Variants in PAPPA observed in about 807,000 individuals in gnomAD.
PAPPA encodes the protein pappalysin 1, also known as pappalysin-1.
A neutral mutation model predicts 164.0 loss-of-function variants in PAPPA; 60 were observed. That is an observed-to-expected ratio of 0.37 (90% confidence interval 0.30 to 0.45). The LOEUF is 0.45. PAPPA is among the 20% of genes least tolerant of loss of function. PAPPA has a pLI of 1.00. For synonymous variants in PAPPA, 875 were observed against 814.1 expected (o/e 1.07, Z -1.27); for missense variants, 1,782 against 2,087.3 (o/e 0.85, Z 2.85).
Position 116,347,053 on chromosome 9 carries a change from A to T in PAPPA, c.3808A>T (p.Thr1270Ser). The change falls in exon 15 of 22, where the codon ACA (threonine) becomes TCA (serine). Residue 1270 changes from threonine to serine, a missense_variant. By Grantham distance (58) the Thr-to-Ser change is moderately conservative (BLOSUM62 1). Around this residue, in one of 2 missense-constraint regions of PAPPA, gnomAD observed 1,324 missense variants for 1,656.9 expected, o/e 0.80. Coordinates refer to ENST00000328252, the MANE Select transcript of PAPPA (RefSeq NM_002581.5). The surrounding 1 kb of genome is among the most constrained non-coding windows in gnomAD (Gnocchi z 4.5). ...QTGPSVTVTC[T>S]EGKWNKQVAC... ...GGGACCCAGCGTCACAGTGACCTGTACAGAGGGCAAGTGGAATAAGCAGGT... is the reference window on the plus strand; with the variant it reads ...GGGACCCAGCGTCACAGTGACCTGTTCAGAGGGCAAGTGGAATAAGCAGGT... 6.2e-7 allele frequency: 1 copy of T among 1,614,026 alleles called. No homozygotes were observed. The highest frequency in any genetic ancestry group is 1.3e-5 in the African/African-American group (1 of 75,046).
At chr9:116,222,880 G>C (rs1228428363) in intron 5 of PAPPA, among the ~76,000 whole-genome samples, 1 of 152,082 alleles carries the variant, frequency 6.6e-6, no homozygotes, top group Admixed American at 6.5e-5. Context: ...AGAGATGATG[G>C]ATTTGTTAAT....
chr9:116,278,797 C>T (rs973794165), intron 9 of PAPPA, among the ~76,000 whole-genome samples: 3 of 152,072 alleles, frequency 2.0e-5, no homozygotes, highest in Non-Finnish European at 4.4e-5. Context: ...CTCTGAGTCT[C>T]GGTTTCCTCT....
intron 1 of PAPPA, among the ~76,000 whole-genome samples, chr9:116,161,394 C>T (rs1056160992): frequency 3.9e-5 from 6 of 152,160 alleles, no homozygotes; most frequent in Admixed American, 2.0e-4. Context: ...GGTAAAATAG[C>T]GACTTTCAAA....
chr9:116,169,736 AT>A (rs200690647), intron 1 of PAPPA, among the ~76,000 whole-genome samples: 224 of 143,256 alleles, frequency 1.6e-3, no homozygotes, highest in African/African-American at 3.8e-3. Context: ...GGCACACTAG[AT>A]TTTTTTTTTT....
At chr9:116,279,591 CT>C (rs775933983) in intron 9 of PAPPA, among the ~76,000 whole-genome samples, 43 of 152,156 alleles carry the variant, frequency 2.8e-4, no homozygotes, top group Non-Finnish European at 5.9e-4. Context: ...CGACTTGGTG[CT>C]TGCTTGAATG....
At chr9:116,365,408 T>A (rs1362466515) in intron 18 of PAPPA, among the ~76,000 whole-genome samples, 1 of 151,982 alleles carries the variant, frequency 6.6e-6, no homozygotes, top group Non-Finnish European at 1.5e-5. Flanking sequence ...CAATAATGGC[T>A]CATATATCAC....
In PAPPA at chr9:116,396,535, T is replaced by G. The variant is rs8456; in HGVS notation, c.4803T>G (p.Asp1601Glu). The G allele has an allele frequency of 2.6e-6, 2 of 780,606 alleles. No homozygotes were observed. The highest frequency in any genetic ancestry group is 4.8e-6 in the Non-Finnish European group (2 of 417,968). 48.4% of individuals were successfully genotyped at this position (780,606 alleles called of 1,614,324 possible). Residue 1601 changes from aspartate (D) to glutamate (E), a missense_variant, in exon 22 of 22, where the codon GAT (aspartate) becomes GAG (glutamate). Asp to Glu is a conservative substitution (Grantham distance 45, BLOSUM62 2). Transcript: ENST00000328252. ...TCACCCCATTCCCTATGTCCTGTGA[T>G]CTACAAGGTGACTGTGCTTGTCGGG... ...KKVTPFPMSC[D>E]LQGDCACRDP... is the part of the protein sequence containing the mutation.
intron 18 of PAPPA, among the ~76,000 whole-genome samples, chr9:116,364,873 A>G (rs1238610523): frequency 6.6e-6 from 1 of 152,154 alleles, no homozygotes; most frequent in African/African-American, 2.4e-5. Flanking sequence ...CCTTTCCTGT[A>G]CCCCAAGTCC....
At chr9:116,249,498 G>T (rs935440785) in intron 7 of PAPPA, among the ~76,000 whole-genome samples, 1 of 152,186 alleles carries the variant, frequency 6.6e-6, no homozygotes, top group Non-Finnish European at 1.5e-5. Flanking sequence ...GGTAAGAGAA[G>T]ATCTTCATTA....
chr9:116,253,021 G>T lies in PAPPA; in HGVS notation c.2733-12836G>T, dbSNP rs16933349. Among the ~76,000 whole-genome samples the T allele has an allele frequency of 7.7e-3, 1,166 of 152,230 alleles. 19 individuals are homozygous for T. Among genetic ancestry groups the T allele is most frequent in the African/African-American group, 0.027 (1,116 of 41,548 alleles). Reference sequence around the variant, plus strand: ...CAGGCACAGAGATACAGCAAGGAAGGGCTAATATTCTCTGTCCTTGAAGCA... The same window carrying T: ...CAGGCACAGAGATACAGCAAGGAAGTGCTAATATTCTCTGTCCTTGAAGCA... On this transcript the variant is annotated intron_variant, in intron 7 of 21. Coordinates refer to ENST00000328252, the MANE Select transcript of PAPPA (RefSeq NM_002581.5).
Position 116,267,288 on chromosome 9 carries a change from A to G in PAPPA, c.2861+1303A>G, listed in dbSNP as rs368538641. ...ACCTCTGCTTTAGGATGAAAGGACC[A>G]GCTAGGAATACAGCAAGGATGATGC... On this transcript the variant is annotated intron_variant, in intron 8 of 21. Coordinates refer to ENST00000328252, the MANE Select transcript of PAPPA (RefSeq NM_002581.5). Among the ~76,000 whole-genome samples the G allele has an allele frequency of 2.4e-4, 37 of 152,380 alleles. 2 individuals carry two copies. The East Asian group carries it at 4.8e-3, about 20-fold the overall frequency.
chr9:116,281,228 T>G (rs1845262478), intron 9 of PAPPA, among the ~76,000 whole-genome samples: 1 of 152,126 alleles, frequency 6.6e-6, no homozygotes, highest in South Asian at 2.1e-4. Flanking sequence ...CAGAGACCAA[T>G]GCTTCGAAGA....
chr9:116,327,887 G>A (rs1845940870), intron 10 of PAPPA, among the ~76,000 whole-genome samples: 1 of 152,216 alleles, frequency 6.6e-6, no homozygotes, highest in Admixed American at 6.5e-5. Flanking sequence ...TTTGGGCAAA[G>A]TTTCAGCTGG....
intron 1 of PAPPA, among the ~76,000 whole-genome samples, chr9:116,168,939 T>G (rs1843744138): frequency 6.6e-6 from 1 of 152,216 alleles, no homozygotes; most frequent in African/African-American, 2.4e-5. Context: ...TTCCTTTTAC[T>G]TCGCACAATA....
intron 21 of PAPPA, among the ~76,000 whole-genome samples, chr9:116,392,101 T>TA (rs909057776): frequency 6.6e-6 from 1 of 152,312 alleles, no homozygotes; most frequent in Non-Finnish European, 1.5e-5. Context: ...ATGGGGATAG[T>TA]AAGAATAGTT....
intron 7 of PAPPA, among the ~76,000 whole-genome samples, chr9:116,244,820 A>G (rs974991648): frequency 1.3e-5 from 2 of 152,156 alleles, no homozygotes; most frequent in Non-Finnish European, 2.9e-5. Flanking sequence ...CTGGGTATCT[A>G]CCCAAAAGAA....
chr9:116,384,131 C>A (rs1042666513), intron 21 of PAPPA, among the ~76,000 whole-genome samples: 6 of 151,978 alleles, frequency 3.9e-5, no homozygotes, highest in Non-Finnish European at 5.9e-5. Context: ...ATCTTAGACA[C>A]AAGAATTACT....
chr9:116,266,071 C>T, intron 8 of PAPPA, 86 bp downstream of exon 8: 1 of 1,230,800 alleles, frequency 8.1e-7, no homozygotes. Context: ...GAGCTTATGA[C>T]ATATTCTTCA....
chr9:116,292,449 G>A (rs937902166), intron 9 of PAPPA, among the ~76,000 whole-genome samples: 15 of 152,240 alleles, frequency 9.9e-5, no homozygotes, highest in African/African-American at 3.6e-4. Context: ...GGGAAAAGGA[G>A]CCTATAAGGT....
Sources: allele counts gnomAD v4.1 joint callset (sites outside exome capture counted in the v4.1 genomes callset), GRCh38; gene constraint gnomAD v4.1.1; regional missense constraint gnomAD v4.1.1; non-coding constraint Gnocchi (gnomAD v3.1); transcripts MANE v1.5; gene names NCBI Gene and HGNC (gene_info 2026-07-23, HGNC 2026-07-21).